The following UBLCP1 variants were observed in gnomAD, a reference collection of about 807,000 sequenced individuals.
UBLCP1 encodes the protein ubiquitin like domain containing CTD phosphatase 1, also known as ubiquitin-like domain-containing CTD phosphatase 1.
UBLCP1 carries 28 observed loss-of-function variants against 42.4 expected under a neutral mutation model. The ratio of observed to expected loss-of-function variants is 0.66; its 90% CI spans 0.49 to 0.90. The LOEUF is 0.90. UBLCP1 is among the 40% of genes least tolerant of loss of function. The pLI, the probability that UBLCP1 is intolerant of heterozygous loss-of-function variation, is 0.00. For synonymous variants in UBLCP1, 122 were observed against 120.8 expected (o/e 1.01, Z -0.07); for missense variants, 279 against 374.5 (o/e 0.75, Z 2.10).
At chr5:159,274,333 G>T in intron 6 of UBLCP1, 2 of 324,334 alleles carry the variant, frequency 6.2e-6, no homozygotes, top group South Asian at 7.7e-5. Context: ...CCTAGGTTCA[G>T]AGTTCTTTTG....
At chr5:159,274,721 A>G (rs1753512341) in intron 7 of UBLCP1, 99 bp downstream of exon 7, 1 of 1,047,468 alleles carries the variant, frequency 9.5e-7, no homozygotes, top group Non-Finnish European at 1.4e-6. Flanking sequence ...ACTGGAGGGC[A>G]CTTAGTAGAT....
At position 159,272,120 on chromosome 5, in the gene UBLCP1, G is replaced by A; in HGVS notation, c.546G>A (p.Trp182Ter). 6.2e-7 allele frequency: 1 copy of A among 1,610,372 alleles called. No homozygotes were observed. The highest frequency in any genetic ancestry group is 8.5e-7 in the Non-Finnish European group (1 of 1,177,724). The change falls in exon 6 of 11, where the codon TGG becomes TGA. Residue 182 changes from tryptophan (W) to a stop codon, truncating the protein, a stop_gained and splice_region_variant. Coordinates refer to ENST00000296786, the MANE Select transcript of UBLCP1 (RefSeq NM_145049.5). LOFTEE classifies it high-confidence loss of function. ...SAYEDYDIVI[W>*]SATNMKWIEA... is the part of the protein sequence containing the mutation. ...ATGAAGATTATGACATTGTTATTTG[G>A]TGTAAGCTGTATTTTTTTGTTTAGA... is the stretch of plus-strand genomic sequence containing the variant.
Position 159,269,089 on chromosome 5 carries a change from A to C in UBLCP1, c.154+20A>C. On this transcript the variant is annotated intron_variant, in intron 2 of 10. Transcript: ENST00000296786. ...TTAAAGGTAATTCTCTCCCCTCTTC[A>C]GATTTTTTGCATTGAATTTTTAGTA... is the stretch of plus-strand genomic sequence containing the variant. 2.0e-6 allele frequency: 3 copies of C among 1,491,270 alleles called. No individual in the cohort carries two copies. The South Asian group carries it at 4.4e-5, about 22-fold the overall frequency. 92.4% of individuals were successfully genotyped at this position (1,491,270 alleles called of 1,614,324 possible).
rs70987962 is a variant in UBLCP1, at chr5:159,285,196, C to CCACACACACA, written c.*304_*313dup. 236 of 251,978 alleles carry CCACACACACA rather than the reference C, an allele frequency of 9.4e-4. 2 individuals carry two copies. Among genetic ancestry groups the CCACACACACA allele is most frequent in the African/African-American group, 2.0e-3 (63 of 30,742 alleles). 15.6% of individuals were successfully genotyped at this position (251,978 alleles called of 1,614,324 possible). On this transcript the variant is annotated 3_prime_UTR_variant, in exon 11 of 11. Transcript: ENST00000296786. ...GGTTACTGACCACCCCACCCTCCCA[C>CCACACACACA]CACACACACACACACACACACACAC... is the stretch of plus-strand genomic sequence containing the variant.
intron 1 of UBLCP1, among the ~76,000 whole-genome samples, chr5:159,268,494 T>C (rs1002502502): frequency 2.6e-5 from 4 of 152,238 alleles, no homozygotes; most frequent in Admixed American, 2.6e-4. Context: ...CTCTAGAATC[T>C]GTGTTCTTAA....
At position 159,285,239 on chromosome 5, in the gene UBLCP1, CACACAA is replaced by C. The variant is rs1753661103; in HGVS notation, c.*310_*315del. The stretch of plus-strand genomic sequence containing the variant: ...ACACACACACACACACACACACACA[CACACAA>C]AGTGGAGAAAAATGTATACTCAACA... On this transcript the variant is annotated 3_prime_UTR_variant, in exon 11 of 11. Coordinates refer to ENST00000296786, the MANE Select transcript of UBLCP1 (RefSeq NM_145049.5). 2 of 225,366 alleles carry C rather than the reference CACACAA, an allele frequency of 8.9e-6. No homozygotes were observed. Among genetic ancestry groups the C allele is most frequent in the East Asian group, 9.1e-5 (1 of 10,958 alleles). The allele number at this position is 225,366 out of a possible 1,614,324, so 14.0% of individuals were successfully genotyped here.
chr5:159,268,680 T>A lies in UBLCP1; in HGVS notation c.-46-190T>A, dbSNP rs529586900. On this transcript the variant is annotated intron_variant, in intron 1 of 10. Transcript: ENST00000296786. Reference sequence around the variant, plus strand: ...GAAAGTAGTAACTCTAAGCCAAAAATTAGGAGTGTGGGGGAATTTAACTTT... The same window carrying A: ...GAAAGTAGTAACTCTAAGCCAAAAAATAGGAGTGTGGGGGAATTTAACTTT... Among the ~76,000 whole-genome samples, 297 of 152,288 alleles carry A rather than the reference T, an allele frequency of 2.0e-3. 2 individuals are homozygous for A. Among genetic ancestry groups the A allele is most frequent in the African/African-American group, 6.9e-3 (288 of 41,562 alleles).
chr5:159,276,461 A>T (rs1399706405), intron 8 of UBLCP1, among the ~76,000 whole-genome samples: 1 of 152,222 alleles, frequency 6.6e-6, no homozygotes, highest in Non-Finnish European at 1.5e-5. Context: ...AGAAAAAGAT[A>T]ACTTACTATA....
In UBLCP1 at chr5:159,283,232, G is replaced by A. The variant is rs147235588; in HGVS notation, c.822G>A (p.Ala274=). ...NGLKIRPFMK[A]HLNRDKDKEL... ...AATAGATAAGGCCTTTTATGAAAGC[G>A]CACCTAAATCGTGATAAAGACAAAG... The change falls in exon 10 of 11, where the codon GCG becomes GCA. Residue 274 remains alanine (A), a synonymous_variant. Transcript: ENST00000296786. 271 of 1,604,212 alleles carry A rather than the reference G, an allele frequency of 1.7e-4. No homozygotes were observed. The highest frequency in any genetic ancestry group is 2.1e-4 in the Non-Finnish European group (251 of 1,176,428).
At chr5:159,281,451 T>C (rs1753604807) in intron 9 of UBLCP1, among the ~76,000 whole-genome samples, 1 of 152,196 alleles carries the variant, frequency 6.6e-6, no homozygotes, top group Non-Finnish European at 1.5e-5. Flanking sequence ...AAGCGTCGTC[T>C]TCAGCCCCCA....
chr5:159,272,978 C>G (rs998325203), intron 6 of UBLCP1, among the ~76,000 whole-genome samples: 7 of 152,224 alleles, frequency 4.6e-5, no homozygotes, highest in African/African-American at 7.2e-5. Context: ...AAGAGTTATC[C>G]TGACTGAATT....
At chr5:159,275,512 G>T (rs187434861) in intron 8 of UBLCP1, among the ~76,000 whole-genome samples, 1 of 136,710 alleles carries the variant, frequency 7.3e-6, no homozygotes, top group African/African-American at 2.7e-5. Context: ...CCAGGTTCAC[G>T]CCATTCTCCT....
At chr5:159,272,451 G>T (rs1753480256) in intron 6 of UBLCP1, among the ~76,000 whole-genome samples, 1 of 150,546 alleles carries the variant, frequency 6.6e-6, no homozygotes, top group Non-Finnish European at 1.5e-5. Context: ...TTAGGGTCTC[G>T]CTGTGTTGCC....
chr5:159,272,109 A>G lies in UBLCP1; in HGVS notation c.535A>G (p.Ile179Val). The change falls in exon 6 of 11, where the codon ATT becomes GTT. Residue 179 changes from isoleucine to valine, a missense_variant. Coordinates refer to ENST00000296786, the MANE Select transcript of UBLCP1 (RefSeq NM_145049.5). The stretch of plus-strand genomic sequence containing the variant: ...AACATCTGCCTATGAAGATTATGAC[A>G]TTGTTATTTGGTGTAAGCTGTATTT... ...FLTSAYEDYDIVIWSATNMKW... is the reference protein window; with the variant it reads ...FLTSAYEDYDVVIWSATNMKW... 6.2e-7 allele frequency: 1 copy of G among 1,612,620 alleles called. No individual in the cohort carries two copies. Among genetic ancestry groups the G allele is most frequent in the Non-Finnish European group, 8.5e-7 (1 of 1,179,276 alleles).
rs762370296 is a variant in UBLCP1 at position 159,268,980 on chromosome 5, A to G, written c.65A>G (p.Asp22Gly). ...TATTCAGTGACCACACTTTCAGAAG[A>G]TGATACTGTGCTCGATCTCAAACAG... ...QEYSVTTLSEDDTVLDLKQFL... is the reference protein window; with the variant it reads ...QEYSVTTLSEGDTVLDLKQFL... The change falls in exon 2 of 11, where the codon GAT becomes GGT. Residue 22 changes from aspartate (D) to glycine (G), a missense_variant. Transcript: ENST00000296786. The G allele has an allele frequency of 1.9e-6, 3 of 1,612,064 alleles. No homozygotes were observed. Among genetic ancestry groups the G allele is most frequent in the African/African-American group, 1.3e-5 (1 of 74,938 alleles).
intron 1 of UBLCP1, among the ~76,000 whole-genome samples, chr5:159,265,274 T>C (rs1056204911): frequency 6.6e-6 from 1 of 152,230 alleles, no homozygotes; most frequent in Non-Finnish European, 1.5e-5. Flanking sequence ...ACCTCTTTCT[T>C]GCAGTTGGTC....
At chr5:159,273,092 T>G (rs1753491148) in intron 6 of UBLCP1, among the ~76,000 whole-genome samples, 1 of 152,222 alleles carries the variant, frequency 6.6e-6, no homozygotes, top group East Asian at 1.9e-4. Flanking sequence ...GTATTTTTCC[T>G]TATAATCAGA....
intron 1 of UBLCP1, among the ~76,000 whole-genome samples, chr5:159,267,196 G>T (rs1753408584): frequency 6.6e-6 from 1 of 152,334 alleles, no homozygotes; most frequent in Non-Finnish European, 1.5e-5. Context: ...AAAGCCACAG[G>T]GGTGGAGCTA....
intron 2 of UBLCP1, 94 bp downstream of exon 2, chr5:159,269,163 C>T (rs1753434182): frequency 1.0e-6 from 1 of 954,334 alleles, no homozygotes; most frequent in East Asian, 3.4e-5. Context: ...ATAATTTATA[C>T]TTGCTATTTG....
Sources: allele counts gnomAD v4.1 joint callset (sites outside exome capture counted in the v4.1 genomes callset), GRCh38; gene constraint gnomAD v4.1.1; transcripts MANE v1.5; gene names NCBI Gene and HGNC (gene_info 2026-07-23, HGNC 2026-07-21).